Variants in DLGAP1 observed in about 807,000 individuals in gnomAD.
The protein encoded by DLGAP1 is DLG associated protein 1, also known as disks large-associated protein 1.
DLGAP1 carries 11 observed loss-of-function variants against 90.8 expected under a neutral mutation model. That is an observed-to-expected ratio of 0.12 (90% CI 0.08 to 0.20). The LOEUF (loss-of-function observed/expected upper bound fraction) is 0.20, where lower values mean the gene tolerates loss of function less well. DLGAP1 is among the 10% of genes least tolerant of loss of function. DLGAP1 has a pLI of 1.00. For missense variants in DLGAP1, 1,050 were observed against 1,333.8 expected, an observed-to-expected ratio of 0.79 and a Z score of 3.31; for synonymous variants, 558 against 540.7, an observed-to-expected ratio of 1.03 and a Z score of -0.44.
In DLGAP1 at chr18:4,200,450, A is replaced by C. The variant is rs151252837; in HGVS notation, c.-266-49163T>G. Among the ~76,000 whole-genome samples the C allele has an allele frequency of 7.9e-3, 1,198 of 151,862 alleles. 14 individuals are homozygous for C. Among genetic ancestry groups the C allele is most frequent in the Middle Eastern group, 0.05 (11 of 222 alleles). ...TTATTTATAATATTCTACCTTGTCA[A>C]GTTACCAACATCTTATTAATTACAA... On this transcript the variant is annotated intron_variant, in intron 1 of 12. Coordinates refer to ENST00000315677, the MANE Select transcript of DLGAP1 (RefSeq NM_004746.4).
intron 5 of DLGAP1, among the ~76,000 whole-genome samples, chr18:3,754,517 C>A (rs941458701): frequency 1.3e-5 from 2 of 150,250 alleles, no homozygotes; most frequent in African/African-American, 4.9e-5. Context: ...TTAGGTATAT[C>A]ACGAATGCAT....
intron 5 of DLGAP1, among the ~76,000 whole-genome samples, chr18:3,754,429 T>G (rs1479445607): frequency 6.6e-6 from 1 of 152,108 alleles, no homozygotes; most frequent in African/African-American, 2.4e-5. Flanking sequence ...GAAATTTTTT[T>G]TTTGGAAGAT....
chr18:4,451,545 C>T (rs1343824780), intron 1 of DLGAP1, among the ~76,000 whole-genome samples: 1 of 152,124 alleles, frequency 6.6e-6, no homozygotes, highest in African/African-American at 2.4e-5. Flanking sequence ...TTAGATCTTC[C>T]TAGGAACAGC....
At chr18:4,278,187 T>C (rs747554317) in intron 1 of DLGAP1, among the ~76,000 whole-genome samples, 2 of 152,182 alleles carry the variant, frequency 1.3e-5, no homozygotes, top group Non-Finnish European at 2.9e-5. Context: ...ATGGGGCTGA[T>C]TTTTGCATTT....
chr18:4,034,673 G>T (rs1204528824), intron 2 of DLGAP1, among the ~76,000 whole-genome samples: 1 of 152,088 alleles, frequency 6.6e-6, no homozygotes, highest in Non-Finnish European at 1.5e-5. Context: ...TCAAGAGAAC[G>T]TCACTTATTT....
chr18:4,299,891 GAATCA>G (rs761056350), intron 1 of DLGAP1, among the ~76,000 whole-genome samples: 1 of 152,006 alleles, frequency 6.6e-6, no homozygotes, highest in Non-Finnish European at 1.5e-5. Context: ...GGAATCCCTA[GAATCA>G]AATCAATTGG....
intron 1 of DLGAP1, among the ~76,000 whole-genome samples, chr18:4,313,955 C>T (rs2080463655): frequency 6.6e-6 from 1 of 152,186 alleles, no homozygotes; most frequent in Non-Finnish European, 1.5e-5. Flanking sequence ...GAGAACTATC[C>T]TTCTTTGCCA....
chr18:4,111,878 A>G (rs1306510997), intron 2 of DLGAP1, among the ~76,000 whole-genome samples: 1 of 151,120 alleles, frequency 6.6e-6, no homozygotes, highest in East Asian at 1.9e-4. Flanking sequence ...TGATGTTTTC[A>G]AATAATAAAT....
chr18:4,380,566 A>G (rs1009239208), intron 1 of DLGAP1, among the ~76,000 whole-genome samples: 1 of 152,166 alleles, frequency 6.6e-6, no homozygotes, highest in Non-Finnish European at 1.5e-5. Flanking sequence ...AGTCTCAAGA[A>G]GCATACCAAG....
At chr18:3,599,065 C>A (rs192969618) in intron 7 of DLGAP1, among the ~76,000 whole-genome samples, 1 of 152,174 alleles carries the variant, frequency 6.6e-6, no homozygotes, top group Non-Finnish European at 1.5e-5. Context: ...TGAGCCACTG[C>A]GCCCAGCAAA....
At chr18:4,195,714 G>A (rs912535889) in intron 1 of DLGAP1, among the ~76,000 whole-genome samples, 8 of 152,018 alleles carry the variant, frequency 5.3e-5, no homozygotes, top group African/African-American at 1.4e-4. Flanking sequence ...ACCACACCTG[G>A]CTAATTTTTT....
At chr18:4,296,931 T>C (rs991892730) in intron 1 of DLGAP1, among the ~76,000 whole-genome samples, 4 of 152,114 alleles carry the variant, frequency 2.6e-5, no homozygotes, top group Admixed American at 1.3e-4. Flanking sequence ...CATCACCAAA[T>C]AGCACTTCCC....
chr18:3,963,214 C>CGG (rs1317281293), intron 3 of DLGAP1, among the ~76,000 whole-genome samples: 20 of 152,264 alleles, frequency 1.3e-4, no homozygotes, highest in Non-Finnish European at 2.6e-4. Flanking sequence ...TCAGAATACC[C>CGG]ACTTGGAGGC....
intron 2 of DLGAP1, among the ~76,000 whole-genome samples, chr18:4,121,535 T>C (rs2076153434): frequency 6.6e-6 from 1 of 152,176 alleles, no homozygotes; most frequent in Non-Finnish European, 1.5e-5. Context: ...CCCCAGGTGA[T>C]GTCTGGTTAT....
At chr18:4,313,738 A>G (rs2080457252) in intron 1 of DLGAP1, among the ~76,000 whole-genome samples, 1 of 152,224 alleles carries the variant, frequency 6.6e-6, no homozygotes, top group African/African-American at 2.4e-5. Context: ...TAATACATTG[A>G]AAAAGAATAG....
chr18:4,370,811 T>C lies in DLGAP1; in HGVS notation c.-267+84195A>G, dbSNP rs76084166. Among the ~76,000 whole-genome samples, 27 of 152,222 alleles carry C rather than the reference T, an allele frequency of 1.8e-4. 1 individual carries two copies. In the East Asian group the frequency reaches 5.2e-3, roughly 29 times the overall value. On this transcript the variant is annotated intron_variant, in intron 1 of 12. Coordinates refer to ENST00000315677, the MANE Select transcript of DLGAP1 (RefSeq NM_004746.4). The stretch of plus-strand genomic sequence containing the variant: ...AGACCTGTTTGTGATATTCATGTAA[T>C]ACATACAAAAATACAAAGGAAACAC...
At chr18:3,897,986 G>C (rs958518302) in intron 3 of DLGAP1, among the ~76,000 whole-genome samples, 3 of 151,740 alleles carry the variant, frequency 2.0e-5, no homozygotes, top group Admixed American at 6.6e-5. Flanking sequence ...AGTAGAGACG[G>C]GGTTTCACCT....
intron 3 of DLGAP1, chr18:3,896,065 A>G (rs1457787055): frequency 1.3e-5 from 2 of 152,370 alleles, no homozygotes; most frequent in East Asian, 3.9e-4. Context: ...GCTTTGCTTT[A>G]TTAATGGGCT....
chr18:3,975,349 G>C (rs1355952963), intron 3 of DLGAP1, among the ~76,000 whole-genome samples: 1 of 152,086 alleles, frequency 6.6e-6, no homozygotes, highest in Admixed American at 6.5e-5. Context: ...TACATGAAAA[G>C]ATGTTCAACA....
Sources: gnomAD v4.1 joint callset for allele counts (sites outside exome capture counted in the v4.1 genomes callset) on GRCh38, gnomAD v4.1.1 for gene constraint, MANE v1.5 for transcripts, NCBI Gene and HGNC (gene_info 2026-07-23, HGNC 2026-07-21) for gene names.